SMR3B: variants seen among roughly 807,000 people sequenced by gnomAD.
SMR3B encodes the protein submaxillary gland androgen-regulated protein 3B.
For synonymous variants in SMR3B, 42 were observed against 36.1 expected (o/e 1.16, Z -0.59); for missense variants, 114 against 99.9 (o/e 1.14, Z -0.60).
rs760780090 is a variant in SMR3B, at chr4:70,389,943, C to A, written c.*95C>A. 34 of 1,597,660 alleles carry A rather than the reference C, an allele frequency of 2.1e-5. No homozygotes were observed. The highest frequency in any genetic ancestry group is 3.3e-4 in the Middle Eastern group (2 of 6,054). On this transcript the variant is annotated 3_prime_UTR_variant, in exon 3 of 3. Transcript: ENST00000304915. ...GGACCTCCATTTTTCCCTGTAAATT[C>A]TCCAACTGATCCTACCCTCCCTACT...
intron 2 of SMR3B, among the ~76,000 whole-genome samples, chr4:70,388,480 C>T (rs1040776202): frequency 6.6e-6 from 1 of 152,054 alleles, no homozygotes; most frequent in Non-Finnish European, 1.5e-5. Flanking sequence ...TCACTCTAAG[C>T]ATTTTACAGG....
In SMR3B at chr4:70,389,708, C is replaced by T. The variant is rs201478250; in HGVS notation, c.100C>T (p.Pro34Ser). The T allele has an allele frequency of 2.5e-6, 4 of 1,614,036 alleles. No individual in the cohort carries two copies. Among genetic ancestry groups the T allele is most frequent in the South Asian group, 1.1e-5 (1 of 91,078 alleles). The change falls in exon 3 of 3, where the codon CCG becomes TCG. Residue 34 changes from proline (P) to serine (S), a missense_variant. Transcript: ENST00000304915. ...CCCCAGGGGACCATATCCACCTGGA[C>T]CGCTGGCTCCTCCTCAACCTTTTGG... Reference protein sequence around the residue: ...RGPRGPYPPGPLAPPQPFGPG... With the variant: ...RGPRGPYPPGSLAPPQPFGPG...
intron 2 of SMR3B, among the ~76,000 whole-genome samples, chr4:70,385,555 C>T (rs544325959): frequency 2.2e-4 from 33 of 152,146 alleles, no homozygotes; most frequent in Non-Finnish European, 4.4e-4. Flanking sequence ...AGGCGCCCGC[C>T]ACCACGGCCG....
chr4:70,388,598 C>T (rs1276134240), intron 2 of SMR3B, among the ~76,000 whole-genome samples: 1 of 152,146 alleles, frequency 6.6e-6, no homozygotes, highest in African/African-American at 2.4e-5. Context: ...CCACACTCAC[C>T]CAACCTCTAC....
chr4:70,386,695 C>A (rs771906925), intron 2 of SMR3B, among the ~76,000 whole-genome samples: 1 of 152,158 alleles, frequency 6.6e-6, no homozygotes, highest in Non-Finnish European at 1.5e-5. Context: ...GGTATACTTA[C>A]TATGAAGATT....
intron 2 of SMR3B, among the ~76,000 whole-genome samples, chr4:70,387,764 A>T (rs1814013): frequency 0.7 from 106,486 of 151,956 alleles, 37,625 homozygotes; most frequent in African/African-American, 0.77. Context: ...ACTGGCATCA[A>T]CTTGGAAAAT....
chr4:70,389,119 AC>A (rs2109762337), intron 2 of SMR3B, among the ~76,000 whole-genome samples: 1 of 152,276 alleles, frequency 6.6e-6, no homozygotes, highest in Non-Finnish European at 1.5e-5. Flanking sequence ...ATAACAAACT[AC>A]CACCAATTAG....
At chr4:70,384,233 T>C (rs148882183) in intron 1 of SMR3B, among the ~76,000 whole-genome samples, 2 of 152,290 alleles carry the variant, frequency 1.3e-5, no homozygotes, top group African/African-American at 4.8e-5. Flanking sequence ...CTCAGAGCAA[T>C]GTATGAACAA....
chr4:70,384,184 C>T (rs934019652), intron 1 of SMR3B, among the ~76,000 whole-genome samples: 3 of 152,056 alleles, frequency 2.0e-5, no homozygotes, highest in Non-Finnish European at 4.4e-5. Context: ...AAAGTAGTTA[C>T]TTCTAAGGGA....
intron 2 of SMR3B, 92 bp from the exon 3 acceptor site, chr4:70,389,571 A>T: frequency 7.6e-7 from 1 of 1,322,342 alleles, no homozygotes; most frequent in Non-Finnish European, 1.1e-6. Flanking sequence ...TCTTGGGGCC[A>T]TCTCAGAGTT....
At chr4:70,387,220 C>A (rs1732681115) in intron 2 of SMR3B, among the ~76,000 whole-genome samples, 1 of 152,148 alleles carries the variant, frequency 6.6e-6, no homozygotes, top group South Asian at 2.1e-4. Flanking sequence ...CTTGATACTT[C>A]TTTTGCAAAT....
At chr4:70,385,349 C>A (rs1490187989) in intron 2 of SMR3B, among the ~76,000 whole-genome samples, 1 of 149,730 alleles carries the variant, frequency 6.7e-6, no homozygotes, top group African/African-American at 2.5e-5. Context: ...CATAAATTTA[C>A]ATCATTCTGA....
intron 2 of SMR3B, among the ~76,000 whole-genome samples, chr4:70,385,935 G>T (rs186951808): frequency 1.2e-3 from 175 of 151,878 alleles, no homozygotes; most frequent in African/African-American, 4.1e-3. Flanking sequence ...CAAAGTATCA[G>T]GCTTTTATTA....
chr4:70,388,511 CT>C (rs1476620593), intron 2 of SMR3B, among the ~76,000 whole-genome samples: 1 of 152,096 alleles, frequency 6.6e-6, no homozygotes, highest in African/African-American at 2.4e-5. Context: ...CAACAAAAAT[CT>C]GACAATAACA....
intron 2 of SMR3B, among the ~76,000 whole-genome samples, chr4:70,385,967 T>A (rs1425923470): frequency 2.0e-5 from 3 of 151,824 alleles, no homozygotes; most frequent in Admixed American, 1.3e-4. Context: ...TTTTATAAGA[T>A]TAATTTGAAA....
Position 70,389,740 on chromosome 4 carries a change from A to C in SMR3B, c.132A>C (p.Gly44=). The part of the protein sequence containing the change: ...PLAPPQPFGP[G]FVPPPPPPPY... ...CTCCTCCTCAACCTTTTGGCCCAGG[A>C]TTTGTTCCACCACCTCCTCCTCCAC... is the stretch of plus-strand genomic sequence containing the variant. Residue 44 remains glycine, a synonymous_variant, in exon 3 of 3, where the codon GGA becomes GGC. Transcript: ENST00000304915. 6.2e-7 allele frequency: 1 copy of C among 1,613,898 alleles called. No individual in the cohort carries two copies. The highest frequency in any genetic ancestry group is 8.5e-7 in the Non-Finnish European group (1 of 1,179,992).
At chr4:70,384,468 T>G in intron 1 of SMR3B, 29 bp from the exon 2 acceptor site, 1 of 1,589,284 alleles carries the variant, frequency 6.3e-7, no homozygotes, top group Non-Finnish European at 8.5e-7. Context: ...AAAACAATCA[T>G]ACTGATCACC....
intron 2 of SMR3B, among the ~76,000 whole-genome samples, chr4:70,387,485 C>T (rs940837813): frequency 6.6e-6 from 1 of 152,050 alleles, no homozygotes; most frequent in African/African-American, 2.4e-5. Context: ...GTTTATAATT[C>T]CTGCCATTTA....
At position 70,384,564 on chromosome 4, in the gene SMR3B, A is replaced by G. The variant is rs748132096; in HGVS notation, c.54A>G (p.Thr18=). The G allele has an allele frequency of 6.9e-6, 11 of 1,604,714 alleles. No homozygotes were observed. Among genetic ancestry groups the G allele is most frequent in the African/African-American group, 1.3e-5 (1 of 74,388 alleles). ...LGLWALAACF[T]PGESQRGPRG... is the part of the protein sequence containing the mutation. ...TTTGGGCTCTTGCAGCGTGTTTCACAGTAAGTATCATTAATCACGATCACA... is the reference window on the plus strand; with the variant it reads ...TTTGGGCTCTTGCAGCGTGTTTCACGGTAAGTATCATTAATCACGATCACA... Residue 18 remains threonine, a splice_region_variant and synonymous_variant, in exon 2 of 3, where the codon ACA becomes ACG. Coordinates refer to ENST00000304915, the MANE Select transcript of SMR3B (RefSeq NM_006685.4).
Sources: gnomAD v4.1 joint callset for allele counts (sites outside exome capture counted in the v4.1 genomes callset) on GRCh38, gnomAD v4.1.1 for gene constraint, MANE v1.5 for transcripts, NCBI Gene and HGNC (gene_info 2026-07-23, HGNC 2026-07-21) for gene names.